The following ST7 variants were observed in gnomAD, a reference collection of about 807,000 sequenced individuals.
ST7 encodes suppressor of tumorigenicity 7 protein.
In ST7, 28 loss-of-function variants were observed where a neutral mutation model predicts 78.7. The observed-to-expected ratio is 0.36, with a 90% confidence interval of 0.26 to 0.49. The LOEUF (loss-of-function observed/expected upper bound fraction) is 0.49, where lower values mean the gene tolerates loss of function less well. ST7 is among the 20% of genes least tolerant of loss of function. ST7 has a pLI of 0.99. For synonymous variants in ST7, 247 were observed against 249.6 expected (o/e 0.99, Z 0.10); for missense variants, 418 against 696.0 (o/e 0.60, Z 4.49).
At chr7:117,013,141 C>T (rs1275029846) in intron 1 of ST7, among the ~76,000 whole-genome samples, 2 of 152,066 alleles carry the variant, frequency 1.3e-5, no homozygotes, top group Non-Finnish European at 2.9e-5. Flanking sequence ...AATGTTATTC[C>T]AGGTGATATT....
intron 1 of ST7, among the ~76,000 whole-genome samples, chr7:117,031,283 T>C (rs1363184837): frequency 2.0e-5 from 3 of 151,854 alleles, no homozygotes; most frequent in Non-Finnish European, 4.4e-5. Flanking sequence ...AAATAATCTG[T>C]ACATCAAACC....
chr7:117,081,829 T>C (rs1333706118), intron 1 of ST7, among the ~76,000 whole-genome samples: 1 of 151,966 alleles, frequency 6.6e-6, no homozygotes, highest in Non-Finnish European at 1.5e-5. Context: ...AGGGTTCCAC[T>C]AGAGAAACAG....
chr7:117,225,945 A>C (rs1353107668), intron 15 of ST7, among the ~76,000 whole-genome samples: 1 of 152,194 alleles, frequency 6.6e-6, no homozygotes, highest in Non-Finnish European at 1.5e-5. Context: ...TACAAAGATA[A>C]GCTTGCACAT....
intron 1 of ST7, chr7:117,072,651 C>T (rs1799045078): frequency 1.3e-5 from 2 of 152,156 alleles, no homozygotes; most frequent in South Asian, 4.1e-4. Flanking sequence ...TACATCCTTG[C>T]TTAGTGTCAG....
At chr7:117,227,561 G>A (rs1323478680) in intron 15 of ST7, among the ~76,000 whole-genome samples, 3 of 152,132 alleles carry the variant, frequency 2.0e-5, no homozygotes, top group Non-Finnish European at 4.4e-5. Flanking sequence ...ATACATATAC[G>A]CAGACATATA....
chr7:117,192,798 C>G (rs978769019), intron 12 of ST7, among the ~76,000 whole-genome samples: 1 of 152,090 alleles, frequency 6.6e-6, no homozygotes, highest in Non-Finnish European at 1.5e-5. Context: ...ATTAAAAGCC[C>G]TAAGAAACAC....
At chr7:117,134,866 A>T (rs181667235) in intron 7 of ST7, among the ~76,000 whole-genome samples, 1 of 151,936 alleles carries the variant, frequency 6.6e-6, no homozygotes, top group Non-Finnish European at 1.5e-5. Context: ...AGCCCCATTG[A>T]TGGTTCCTGC....
intron 3 of ST7, among the ~76,000 whole-genome samples, chr7:117,120,339 C>T (rs985295627): frequency 3.3e-5 from 5 of 152,144 alleles, no homozygotes; most frequent in African/African-American, 9.7e-5. Context: ...TGAATAGATT[C>T]ATTTTCTTCT....
At chr7:116,993,997 T>C (rs535617510) in intron 1 of ST7, among the ~76,000 whole-genome samples, 2 of 152,390 alleles carry the variant, frequency 1.3e-5, no homozygotes, top group South Asian at 4.1e-4. Flanking sequence ...TTTAAAATTA[T>C]GCTAAAATAT....
chr7:117,060,858 T>C (rs1798312129), intron 1 of ST7, among the ~76,000 whole-genome samples: 1 of 152,060 alleles, frequency 6.6e-6, no homozygotes, highest in South Asian at 2.1e-4. Context: ...ATACAAAAAT[T>C]AGCTGGGTGT....
chr7:117,072,283 C>T (rs1440903004), intron 1 of ST7: 2 of 152,150 alleles, frequency 1.3e-5, no homozygotes, highest in Non-Finnish European at 2.9e-5. Context: ...ATCTTCAGCC[C>T]TTCCTCTCCA....
chr7:117,200,779 A>G (rs530827760), intron 12 of ST7, among the ~76,000 whole-genome samples: 15 of 151,190 alleles, frequency 9.9e-5, no homozygotes, highest in African/African-American at 3.4e-4. Context: ...AAGAATGAAG[A>G]GTGTTATGAC....
intron 1 of ST7, among the ~76,000 whole-genome samples, chr7:116,955,796 C>G (rs1410723889): frequency 6.6e-6 from 1 of 152,156 alleles, no homozygotes; most frequent in Non-Finnish European, 1.5e-5. Flanking sequence ...GGTCTTCTAG[C>G]AATTTAAATC....
chr7:116,955,210 G>A (rs1386888106), intron 1 of ST7: 4 of 430,670 alleles, frequency 9.3e-6, no homozygotes, highest in African/African-American at 8.3e-5. Context: ...GAAGTTGTTT[G>A]AATATATGTT....
chr7:116,998,274 C>A (rs932643781), intron 1 of ST7, among the ~76,000 whole-genome samples: 1 of 152,212 alleles, frequency 6.6e-6, no homozygotes, highest in African/African-American at 2.4e-5. Context: ...GCCGGCAGCG[C>A]CGGCTGGCCA....
chr7:117,103,905 A>G (rs1053949017), intron 2 of ST7, among the ~76,000 whole-genome samples: 1 of 152,256 alleles, frequency 6.6e-6, no homozygotes, highest in African/African-American at 2.4e-5. Flanking sequence ...AAAACCGCAA[A>G]TAATCCAATT....
At position 117,219,541 on chromosome 7, in the gene ST7, G is replaced by A. The variant is rs1008324298; in HGVS notation, c.1498+365G>A. Among the ~76,000 whole-genome samples the A allele has an allele frequency of 4.6e-5, 7 of 152,212 alleles. No homozygotes were observed. Among genetic ancestry groups the A allele is most frequent in the Admixed American group, 3.9e-4 (6 of 15,292 alleles). On this transcript the variant is annotated intron_variant, in intron 14 of 15. Transcript: ENST00000323984. This position sits in a 1 kb window ranked among gnomAD's most constrained non-coding sequence, Gnocchi z 5.1. Reference sequence around the variant, plus strand: ...TGGACAGATGTGGTCTGCACCGACCGGAGTTTGAAGAGGAGCTGCTGACTG... The same window carrying A: ...TGGACAGATGTGGTCTGCACCGACCAGAGTTTGAAGAGGAGCTGCTGACTG...
At chr7:116,989,875 C>G (rs963989700) in intron 1 of ST7, among the ~76,000 whole-genome samples, 3 of 151,982 alleles carry the variant, frequency 2.0e-5, no homozygotes, top group African/African-American at 7.3e-5. Flanking sequence ...TCTGGTGATC[C>G]TTGATTGATA....
chr7:117,073,761 C>G (rs1406210754), intron 1 of ST7: 2 of 152,206 alleles, frequency 1.3e-5, no homozygotes, highest in Non-Finnish European at 2.9e-5. Context: ...GGAAAAGTAT[C>G]TGGCCTATAA....
Sources: gnomAD v4.1 joint callset for allele counts (sites outside exome capture counted in the v4.1 genomes callset) on GRCh38, gnomAD v4.1.1 for gene constraint, Gnocchi (gnomAD v3.1) non-coding constraint, MANE v1.5 for transcripts, NCBI Gene and HGNC (gene_info 2026-07-23, HGNC 2026-07-21) for gene names.